The following PTPRO variants were observed in gnomAD, a reference collection of about 807,000 sequenced individuals.
PTPRO encodes protein tyrosine phosphatase receptor type O, also known as receptor-type tyrosine-protein phosphatase O.
PTPRO carries 62 observed loss-of-function variants against 145.2 expected under a neutral mutation model. That is an observed-to-expected ratio of 0.43 (90% confidence interval 0.35 to 0.53). PTPRO has a LOEUF of 0.53. PTPRO is among the 20% of genes least tolerant of loss of function. The pLI, the probability that PTPRO is intolerant of heterozygous loss-of-function variation, is 0.01. For synonymous variants in PTPRO, 565 were observed against 514.7 expected (o/e 1.10, Z -1.32); for missense variants, 1,345 against 1,482.7 (o/e 0.91, Z 1.53).
intron 1 of PTPRO, among the ~76,000 whole-genome samples, chr12:15,361,315 T>A (rs1938200162): frequency 6.6e-6 from 1 of 151,118 alleles, no homozygotes; most frequent in Non-Finnish European, 1.5e-5. Context: ...GGCTCATGCC[T>A]GTAATCTCAA....
intron 5 of PTPRO, 86 bp from the exon 6 acceptor site, chr12:15,503,822 A>AT (rs989392139): frequency 2.7e-5 from 30 of 1,128,264 alleles, no homozygotes; most frequent in African/African-American, 9.5e-5. Flanking sequence ...AAAACACCTA[A>AT]TTTTTTTTCA....
chr12:15,475,618 A>G (rs2136424244), intron 1 of PTPRO, among the ~76,000 whole-genome samples: 1 of 152,294 alleles, frequency 6.6e-6, no homozygotes, highest in African/African-American at 2.4e-5. Context: ...GTATCATGAA[A>G]AATGAAACAC....
chr12:15,420,940 C>A (rs909639512), intron 1 of PTPRO, among the ~76,000 whole-genome samples: 1 of 152,146 alleles, frequency 6.6e-6, no homozygotes, highest in East Asian at 1.9e-4. Flanking sequence ...TGTGCTGCTG[C>A]TGATGATGTA....
chr12:15,413,180 C>T (rs866653065), intron 1 of PTPRO, among the ~76,000 whole-genome samples: 2 of 152,050 alleles, frequency 1.3e-5, no homozygotes. Flanking sequence ...AACCTCTGCC[C>T]CCCAGGTTCA....
chr12:15,587,462 GA>G (rs1224655264), intron 24 of PTPRO, among the ~76,000 whole-genome samples: 1 of 152,020 alleles, frequency 6.6e-6, no homozygotes, highest in Non-Finnish European at 1.5e-5. Flanking sequence ...TCAAATTATA[GA>G]AAGCTGATCA....
chr12:15,418,689 A>G (rs1240065340), intron 1 of PTPRO, among the ~76,000 whole-genome samples: 1 of 151,792 alleles, frequency 6.6e-6, no homozygotes, highest in Non-Finnish European at 1.5e-5. Context: ...GTAGGAATAC[A>G]TATGGCATTT....
chr12:15,351,150 G>A (rs1185314547), intron 1 of PTPRO, among the ~76,000 whole-genome samples: 2 of 152,060 alleles, frequency 1.3e-5, no homozygotes, highest in African/African-American at 4.8e-5. Context: ...TAAGTGTGCT[G>A]CCGTTCCCAG....
chr12:15,572,830 T>G (rs536836330), intron 19 of PTPRO, among the ~76,000 whole-genome samples: 13 of 152,242 alleles, frequency 8.5e-5, no homozygotes, highest in Admixed American at 2.6e-4. Context: ...CAGATGAAAT[T>G]TGAAAATGTG....
chr12:15,371,025 T>G (rs56364377), intron 1 of PTPRO, among the ~76,000 whole-genome samples: 31,064 of 152,176 alleles, frequency 0.2, 3,675 homozygotes, highest in Non-Finnish European at 0.27. Context: ...ATGGATTATG[T>G]AATACTATAA....
chr12:15,517,205 G>A (rs752880200), intron 9 of PTPRO: 24 of 551,320 alleles, frequency 4.4e-5, no homozygotes, highest in Non-Finnish European at 7.4e-5. Flanking sequence ...AAGGCAAGGA[G>A]GAGCAAGTCA....
At chr12:15,448,820 G>A (rs945962384) in intron 1 of PTPRO, among the ~76,000 whole-genome samples, 1 of 152,040 alleles carries the variant, frequency 6.6e-6, no homozygotes, top group African/African-American at 2.4e-5. Context: ...AGGGTACTAT[G>A]TATATATACA....
intron 1 of PTPRO, among the ~76,000 whole-genome samples, chr12:15,367,274 C>T (rs1395926633): frequency 6.6e-6 from 1 of 152,108 alleles, no homozygotes; most frequent in Admixed American, 6.6e-5. Context: ...CAAAAAGGTA[C>T]AAACAAATCC....
intron 15 of PTPRO, among the ~76,000 whole-genome samples, chr12:15,553,987 G>A (rs1056963458): frequency 3.3e-5 from 5 of 152,204 alleles, no homozygotes; most frequent in East Asian, 1.9e-4. Context: ...CTGAAGTCGG[G>A]AGTTCGAGAC....
chr12:15,499,442 ATTTC>A lies in PTPRO; in HGVS notation c.513_516del (p.Phe171LeufsTer62). The stretch of plus-strand genomic sequence containing the variant: ...CATGTAATTGATTTTCTCTTCACAG[ATTTC>A]TTTAAGGGAAAAACAGTATTTAATC... On this transcript the variant is annotated frameshift_variant and splice_region_variant, in exon 4 of 27. Coordinates refer to ENST00000281171, the MANE Select transcript of PTPRO (RefSeq NM_030667.3). LOFTEE classifies it high-confidence loss of function. The A allele has an allele frequency of 3.1e-6, 5 of 1,612,572 alleles. No homozygotes were observed. The highest frequency in any genetic ancestry group is 4.2e-6 in the Non-Finnish European group (5 of 1,178,730).
intron 1 of PTPRO, among the ~76,000 whole-genome samples, chr12:15,383,006 A>G (rs1348684749): frequency 6.6e-6 from 1 of 152,220 alleles, no homozygotes; most frequent in East Asian, 1.9e-4. Flanking sequence ...TTTAAAATAT[A>G]CAATACAATA....
chr12:15,501,345 G>A (rs1942217530), intron 4 of PTPRO, among the ~76,000 whole-genome samples: 2 of 152,080 alleles, frequency 1.3e-5, no homozygotes, highest in South Asian at 4.2e-4. Context: ...TTTAGAAGTG[G>A]TTGAATTACC....
rs1944660642 is a variant in PTPRO at position 15,596,395 on chromosome 12, T to G, written c.*322T>G. The G allele has an allele frequency of 6.6e-6, 1 of 152,564 alleles. No homozygotes were observed. The highest frequency in any genetic ancestry group is 2.4e-5 in the African/African-American group (1 of 41,412). 9.5% of individuals were successfully genotyped at this position (152,564 alleles called of 1,614,324 possible). A position where few individuals can be genotyped will look rare whatever the true frequency, so the allele number is the denominator to read the frequency against. On this transcript the variant is annotated 3_prime_UTR_variant, in exon 27 of 27. Coordinates refer to ENST00000281171, the MANE Select transcript of PTPRO (RefSeq NM_030667.3). ...TGGCCCTTTGCTGGTTGGGCTGAGT[T>G]TTTTATTTTTAAGTGTTTGTTTTTC... is the stretch of plus-strand genomic sequence containing the variant.
At chr12:15,371,612 ATG>A (rs1033031229) in intron 1 of PTPRO, among the ~76,000 whole-genome samples, 2 of 152,046 alleles carry the variant, frequency 1.3e-5, no homozygotes, top group African/African-American at 4.8e-5. Context: ...ATAATATTGT[ATG>A]TGTGTGTGTG....
intron 8 of PTPRO, among the ~76,000 whole-genome samples, chr12:15,516,449 AAGAGAGTGAGAAAG>A (rs1456854210): frequency 1.2e-5 from 1 of 85,708 alleles, no homozygotes; most frequent in Non-Finnish European, 2.7e-5. Context: ...AGTGAGAAAG[AAGAGAGTGAGAAAG>A]AGAGAGAAAA....
Sources: allele counts gnomAD v4.1 joint callset (sites outside exome capture counted in the v4.1 genomes callset), GRCh38; gene constraint gnomAD v4.1.1; transcripts MANE v1.5; gene names NCBI Gene and HGNC (gene_info 2026-07-23, HGNC 2026-07-21).